Variants in AKAP9 observed in about 807,000 individuals in gnomAD.
AKAP9 encodes A-kinase anchor protein 9.
In AKAP9, 311 loss-of-function variants were observed where a neutral mutation model predicts 488.5. That is an observed-to-expected ratio of 0.64 (90% CI 0.58 to 0.70). The LOEUF (loss-of-function observed/expected upper bound fraction) is 0.70. Among genes scored for constraint, AKAP9 ranks in the 30% least tolerant of loss-of-function variants. AKAP9 has a pLI of 0.00. For synonymous variants in AKAP9, 1,462 were observed against 1,483.5 expected (o/e 0.99, Z 0.33); for missense variants, 4,215 against 4,374.5 (o/e 0.96, Z 1.03).
chr7:92,046,030 T>C (rs1806937489), intron 21 of AKAP9, among the ~76,000 whole-genome samples: 1 of 151,804 alleles, frequency 6.6e-6, no homozygotes, highest in Admixed American at 6.6e-5. Context: ...GACAGGATTT[T>C]ACCCTGTTAG....
Position 92,001,447 on chromosome 7 carries a change from A to C in AKAP9, c.1530A>C (p.Glu510Asp). ...TGCAAGATACTAACTCTCAAAAGGA[A>C]AAACTCAAGGAAGAACTAGGACTAA... ...IKLQDTNSQK[E>D]KLKEELGLIL... Residue 510 changes from glutamate to aspartate, a missense_variant, in exon 8 of 50, where the codon GAA (glutamate) becomes GAC (aspartate). By Grantham distance (45) the Glu-to-Asp change is conservative. Transcript: ENST00000356239. 6.2e-7 allele frequency: 1 copy of C among 1,613,918 alleles called. No individual in the cohort carries two copies. Among genetic ancestry groups the C allele is most frequent in the Non-Finnish European group, 8.5e-7 (1 of 1,179,862 alleles).
intron 15 of AKAP9, among the ~76,000 whole-genome samples, chr7:92,031,270 T>G (rs2130756711): frequency 6.6e-6 from 1 of 152,352 alleles, no homozygotes; most frequent in East Asian, 1.9e-4. Flanking sequence ...ATGTTGGCAT[T>G]TATAAATATG....
intron 8 of AKAP9, among the ~76,000 whole-genome samples, chr7:92,011,252 G>A (rs1197598705): frequency 6.6e-6 from 1 of 152,072 alleles, no homozygotes; most frequent in Admixed American, 6.6e-5. Context: ...CCTAGCCAAT[G>A]CAATTTGACA....
intron 20 of AKAP9, chr7:92,043,509 TA>T (rs1563038708): frequency 5.6e-6 from 1 of 177,862 alleles, no homozygotes; most frequent in African/African-American, 2.4e-5. Flanking sequence ...TAAGTGCCAA[TA>T]AAATGAGTAT....
At chr7:92,005,948 C>T (rs554365874) in intron 8 of AKAP9, among the ~76,000 whole-genome samples, 2 of 152,182 alleles carry the variant, frequency 1.3e-5, no homozygotes, top group East Asian at 3.9e-4. Flanking sequence ...GGATTACAGG[C>T]GTGAGCCACC....
At chr7:92,027,496 C>G (rs1418973758) in intron 14 of AKAP9, among the ~76,000 whole-genome samples, 2 of 145,574 alleles carry the variant, frequency 1.4e-5, no homozygotes, top group Admixed American at 1.4e-4. Context: ...TGAGGAGCCC[C>G]TCTGCCCAGC....
intron 43 of AKAP9, 60 bp from the exon 44 acceptor site, chr7:92,099,627 T>C (rs1000716602): frequency 4.6e-6 from 7 of 1,527,584 alleles, no homozygotes; most frequent in Non-Finnish European, 6.3e-6. Flanking sequence ...ATTCACACTT[T>C]ATATGCATTA....
intron 21 of AKAP9, among the ~76,000 whole-genome samples, chr7:92,046,939 G>T (rs1480609362): frequency 6.6e-6 from 1 of 152,090 alleles, no homozygotes; most frequent in East Asian, 1.9e-4. Context: ...GTTGTTGTTA[G>T]CAGTTCTCTT....
chr7:91,975,450 G>A (rs1795544173), intron 2 of AKAP9, among the ~76,000 whole-genome samples: 1 of 152,002 alleles, frequency 6.6e-6, no homozygotes, highest in South Asian at 2.1e-4. Context: ...TATTGATCTT[G>A]TCTCCTGTAC....
At position 92,097,336 on chromosome 7, in the gene AKAP9, T is replaced by A; in HGVS notation, c.10377T>A (p.Ile3459=). ...EREEKRESRR[I]LYQNLNEPTT... ...AAGAAAAACGAGAAAGTAGAAGAAT[T>A]CTGTATCAGAACCTTAATGAGGTAA... The change falls in exon 41 of 50, where the codon ATT becomes ATA. Residue 3459 remains isoleucine (I), a synonymous_variant. Transcript: ENST00000356239. 1 of 1,613,480 alleles carries A rather than the reference T, an allele frequency of 6.2e-7. No individual in the cohort carries two copies. Among genetic ancestry groups the A allele is most frequent in the East Asian group, 2.2e-5 (1 of 44,854 alleles).
At chr7:91,993,430 G>A (rs532880156) in intron 5 of AKAP9, among the ~76,000 whole-genome samples, 156 of 152,126 alleles carry the variant, frequency 1.0e-3, no homozygotes, top group African/African-American at 3.7e-3. Flanking sequence ...GATTACAGGC[G>A]TGAGCTACTG....
At chr7:92,024,190 TTACC>T (rs1342095339) in intron 14 of AKAP9, among the ~76,000 whole-genome samples, 1 of 151,622 alleles carries the variant, frequency 6.6e-6, no homozygotes, top group Non-Finnish European at 1.5e-5. Context: ...GGCAGGCAGA[TTACC>T]TGAGGTTAGG....
chr7:91,982,015 T>C (rs1796477467), intron 3 of AKAP9, among the ~76,000 whole-genome samples: 1 of 152,152 alleles, frequency 6.6e-6, no homozygotes, highest in African/African-American at 2.4e-5. Context: ...TACACTAAAG[T>C]GAATATTTTT....
rs189100725 is a variant in AKAP9 at position 92,016,342 on chromosome 7, A to T, written c.3751+75A>T. ...AATTGATGACAGATTTTTACTTTTGATTATGATTTAATCACCCAGCCAAGT... is the reference window on the plus strand; with the variant it reads ...AATTGATGACAGATTTTTACTTTTGTTTATGATTTAATCACCCAGCCAAGT... On this transcript the variant is annotated intron_variant, in intron 11 of 49. Transcript: ENST00000356239. The T allele has an allele frequency of 1.2e-4, 133 of 1,127,942 alleles. No homozygotes were observed. In the African/African-American group the frequency reaches 1.8e-3, roughly 15 times the overall value. 69.9% of individuals were successfully genotyped at this position (1,127,942 alleles called of 1,614,324 possible).
chr7:92,062,574 T>A, intron 24 of AKAP9, 88 bp downstream of exon 24: 1 of 1,039,996 alleles, frequency 9.6e-7, no homozygotes, highest in Non-Finnish European at 1.5e-6. Context: ...CCTCTTTCAG[T>A]GCCATTATTC....
intron 26 of AKAP9, among the ~76,000 whole-genome samples, chr7:92,069,748 G>A (rs993518516): frequency 6.6e-6 from 1 of 152,164 alleles, no homozygotes; most frequent in Non-Finnish European, 1.5e-5. Flanking sequence ...GGGCTTGTTG[G>A]TGTGCATCTG....
At chr7:92,071,110 C>T (rs1811659873) in intron 28 of AKAP9, 101 bp downstream of exon 28, 1 of 1,152,408 alleles carries the variant, frequency 8.7e-7, no homozygotes, top group Non-Finnish European at 1.3e-6. Flanking sequence ...TGATCTAAAA[C>T]CAAAGTTGAG....
In AKAP9 at chr7:92,004,326, T is replaced by G. The variant is rs1358720753; in HGVS notation, c.3318+1091T>G. Among the ~76,000 whole-genome samples, 3 of 152,196 alleles carry G rather than the reference T, an allele frequency of 2.0e-5. No homozygotes were observed. The East Asian group carries it at 5.8e-4, about 29-fold the overall frequency. On this transcript the variant is annotated intron_variant, in intron 8 of 49. Coordinates refer to ENST00000356239, the MANE Select transcript of AKAP9 (RefSeq NM_005751.5). ...CCTTATGAACTTTAAAGTAGTTTTT[T>G]CCAATTCTGTGAAGAAAGTCATTTC...
At chr7:91,970,860 A>G (rs1301193461) in intron 1 of AKAP9, among the ~76,000 whole-genome samples, 1 of 152,116 alleles carries the variant, frequency 6.6e-6, no homozygotes, top group Non-Finnish European at 1.5e-5. Context: ...TTTGTTCTCT[A>G]ACGTTCCTAT....
Sources: gnomAD v4.1 joint callset for allele counts (sites outside exome capture counted in the v4.1 genomes callset) on GRCh38, gnomAD v4.1.1 for gene constraint, MANE v1.5 for transcripts, NCBI Gene and HGNC (gene_info 2026-07-23, HGNC 2026-07-21) for gene names.